The following PCDHGB3 variants were observed in gnomAD, a reference collection of about 807,000 sequenced individuals.
PCDHGB3 encodes protocadherin gamma subfamily B, 3.
In PCDHGB3, 40 loss-of-function variants were observed where a neutral mutation model predicts 59.2. The observed-to-expected ratio is 0.68, with a 90% confidence interval of 0.52 to 0.88. The LOEUF (loss-of-function observed/expected upper bound fraction) is 0.88. PCDHGB3 is among the 40% of genes least tolerant of loss of function. The probability of loss-of-function intolerance (pLI) is 0.00; values close to 1 mark genes in which losing one functional copy is unlikely to be tolerated. For synonymous variants in PCDHGB3, 581 were observed against 503.6 expected (o/e 1.15, Z -2.06); for missense variants, 1,309 against 1,187.9 (o/e 1.10, Z -1.50).
chr5:141,422,243 T>C, intron 1 of PCDHGB3: 12 of 1,566,082 alleles, frequency 7.7e-6, no homozygotes, highest in Non-Finnish European at 1.0e-5. Flanking sequence ...ATCACTGTTG[T>C]GGATGTGAAT....
chr5:141,487,029 T>C lies in PCDHGB3; in HGVS notation c.2416-7778T>C. 1.2e-6 allele frequency: 2 copies of C among 1,614,226 alleles called. No individual in the cohort carries two copies. Among genetic ancestry groups the C allele is most frequent in the Non-Finnish European group, 1.7e-6 (2 of 1,180,040 alleles). ...CTGGAGGCCCCAGATCCCAGCCTGT[T>C]TGCAGTCTCTCGATATGCTGGGGAG... is the stretch of plus-strand genomic sequence containing the variant. On this transcript the variant is annotated intron_variant, in intron 1 of 3. Coordinates refer to ENST00000576222, the MANE Select transcript of PCDHGB3 (RefSeq NM_018924.5). The surrounding 1 kb of genome is among the most constrained non-coding windows in gnomAD (Gnocchi z 5.0).
chr5:141,512,275 A>G lies in PCDHGB3; in HGVS notation c.*1102A>G, dbSNP rs368275103. 1 of 152,730 alleles carries G rather than the reference A, an allele frequency of 6.5e-6. No individual in the cohort carries two copies. The highest frequency in any genetic ancestry group is 2.1e-4 in the South Asian group (1 of 4,824). The allele number at this position is 152,730 out of a possible 1,614,324, so 9.5% of individuals were successfully genotyped here. ...GGGTGCTGGGTACTCCAGAGGTGCC[A>G]CTGGTGGAAGGGTCAGCGGAGCCCC... On this transcript the variant is annotated 3_prime_UTR_variant, in exon 4 of 4. Transcript: ENST00000576222.
Position 141,379,889 on chromosome 5 carries a change from C to CTTTTTT in PCDHGB3, c.2415+7105_2415+7110dup, listed in dbSNP as rs70988800. Among the ~76,000 whole-genome samples the CTTTTTT allele has an allele frequency of 6.7e-3, 342 of 50,826 alleles. 49 individuals carry two copies. Among genetic ancestry groups the CTTTTTT allele is most frequent in the African/African-American group, 8.9e-3 (134 of 15,072 alleles). 33.3% of individuals were successfully genotyped at this position (50,826 alleles called of 152,430 possible). On this transcript the variant is annotated intron_variant, in intron 1 of 3. Transcript: ENST00000576222. ...CTTATTTTATGGTCTGTGAAAGCCT[C>CTTTTTT]TTTTTTTTTTTTTTTTTTTTTTTTT...
In PCDHGB3 at chr5:141,432,498, G is replaced by A. The variant is rs766191511; in HGVS notation, c.2415+59689G>A. Reference sequence around the variant, plus strand: ...TCCACTGGCGTGGAGCTGGCTCCCCGCTCCGCAGAGCCCGGCTACCTGGTG... The same window carrying A: ...TCCACTGGCGTGGAGCTGGCTCCCCACTCCGCAGAGCCCGGCTACCTGGTG... On this transcript the variant is annotated intron_variant, in intron 1 of 3. Coordinates refer to ENST00000576222, the MANE Select transcript of PCDHGB3 (RefSeq NM_018924.5). This position sits in a 1 kb window ranked among gnomAD's most constrained non-coding sequence, Gnocchi z 6.0. The A allele has an allele frequency of 1.9e-6, 3 of 1,614,106 alleles. No homozygotes were observed. The highest frequency in any genetic ancestry group is 2.5e-6 in the Non-Finnish European group (3 of 1,180,052).
chr5:141,384,119 C>G, intron 1 of PCDHGB3: 5 of 1,608,930 alleles, frequency 3.1e-6, no homozygotes, highest in Non-Finnish European at 4.2e-6. Context: ...TTGGTCACAA[C>G]CAAAAACTTG....
At chr5:141,413,924 A>T in intron 1 of PCDHGB3, 1 of 1,613,408 alleles carries the variant, frequency 6.2e-7, no homozygotes, top group Non-Finnish European at 8.5e-7. Context: ...ACCTTGCCAG[A>T]ATACCGAGTG....
At chr5:141,478,279 G>A (rs2099443292) in intron 1 of PCDHGB3, 1 of 1,614,202 alleles carries the variant, frequency 6.2e-7, no homozygotes, top group Middle Eastern at 1.6e-4. Context: ...ACAAGTGGAA[G>A]CAGTCTAGAG....
chr5:141,407,497 G>GTTTTTTTTTTTTTTTTTTTTTTTTTT (rs1554102286), intron 1 of PCDHGB3, among the ~76,000 whole-genome samples: 1 of 152,086 alleles, frequency 6.6e-6, no homozygotes, highest in African/African-American at 2.4e-5. Context: ...CTTTATTTCT[G>GTTTTTTTTTTTTTTTTTTTTTTTTTT]TTTTTCTTAG....
intron 3 of PCDHGB3, among the ~76,000 whole-genome samples, chr5:141,508,711 T>G (rs1201917424): frequency 6.6e-6 from 1 of 152,058 alleles, no homozygotes; most frequent in Admixed American, 6.5e-5. Flanking sequence ...CTCATTCTTT[T>G]CTGTGTGCAG....
At chr5:141,386,087 A>G (rs1331014845) in intron 1 of PCDHGB3, 2 of 152,268 alleles carry the variant, frequency 1.3e-5, no homozygotes, top group Non-Finnish European at 2.9e-5. Context: ...TGGTACAGCC[A>G]GATGAAGTGT....
chr5:141,423,117 G>T, intron 1 of PCDHGB3: 1 of 1,613,816 alleles, frequency 6.2e-7, no homozygotes, highest in Non-Finnish European at 8.5e-7. Flanking sequence ...TGCGTACAGC[G>T]CGGGCACTGC....
At chr5:141,503,598 C>CAAA (rs765754054) in intron 2 of PCDHGB3, among the ~76,000 whole-genome samples, 1 of 65,748 alleles carries the variant, frequency 1.5e-5, no homozygotes. Context: ...GACTCCAGCT[C>CAAA]AAAAAAAAAA....
At position 141,403,374 on chromosome 5, in the gene PCDHGB3, A is replaced by G. The variant is rs1448394920; in HGVS notation, c.2415+30565A>G. 3.1e-6 allele frequency: 5 copies of G among 1,613,936 alleles called. No individual in the cohort carries two copies. The African/African-American group carries it at 6.7e-5, about 22-fold the overall frequency. ...TTCCAGGCCGAAAGTCTGGAAGTAA[A>G]AATTAACGAAATCGCGGTTCCTGGA... On this transcript the variant is annotated intron_variant, in intron 1 of 3. Transcript: ENST00000576222.
At chr5:141,413,344 G>A in intron 1 of PCDHGB3, 1 of 1,613,986 alleles carries the variant, frequency 6.2e-7, no homozygotes. Context: ...CAAGGACTTG[G>A]GTCTGGCGCC....
Position 141,476,102 on chromosome 5 carries a change from C to G in PCDHGB3, c.2416-18705C>G, listed in dbSNP as rs1488747783. The G allele has an allele frequency of 1.3e-6, 2 of 1,576,940 alleles. No homozygotes were observed. Among genetic ancestry groups the G allele is most frequent in the African/African-American group, 2.7e-5 (2 of 73,926 alleles). ...ACGATCTGGACCCCGCTGAGAGGAA[C>G]TGCTTTTGAGTGAGATGGTCCCAGA... On this transcript the variant is annotated intron_variant, in intron 1 of 3. Transcript: ENST00000576222. The surrounding 1 kb of genome is among the most constrained non-coding windows in gnomAD (Gnocchi z 7.6).
At chr5:141,408,636 C>A in intron 1 of PCDHGB3, 1 of 1,614,024 alleles carries the variant, frequency 6.2e-7, no homozygotes, top group Non-Finnish European at 8.5e-7. Flanking sequence ...ATTTTCGAAT[C>A]TGCATCCGCT....
intron 1 of PCDHGB3, chr5:141,409,921 G>T (rs767370997): frequency 6.2e-7 from 1 of 1,613,404 alleles, no homozygotes; most frequent in Admixed American, 1.7e-5. Context: ...ACGGCTCCGC[G>T]TTCTTCGATA....
At chr5:141,470,589 G>A (rs1593264687) in intron 1 of PCDHGB3, among the ~76,000 whole-genome samples, 1 of 152,300 alleles carries the variant, frequency 6.6e-6, no homozygotes, top group East Asian at 1.9e-4. Flanking sequence ...TCATAGGCAG[G>A]CGACCTGTGC....
At chr5:141,415,725 T>A in intron 1 of PCDHGB3, 1 of 1,437,122 alleles carries the variant, frequency 7.0e-7, no homozygotes, top group Non-Finnish European at 9.2e-7. Context: ...TGAGTAGAAT[T>A]TGATGTTTAT....
Sources: gnomAD v4.1 joint callset for allele counts (sites outside exome capture counted in the v4.1 genomes callset) on GRCh38, gnomAD v4.1.1 for gene constraint, Gnocchi (gnomAD v3.1) non-coding constraint, MANE v1.5 for transcripts, NCBI Gene and HGNC (gene_info 2026-07-23, HGNC 2026-07-21) for gene names.